The following IGSF9B variants were observed in gnomAD, a reference collection of about 807,000 sequenced individuals.
IGSF9B encodes protein turtle homolog B.
Under a neutral mutation model 143.7 loss-of-function variants are expected in IGSF9B, and 48 were observed. That is an observed-to-expected ratio of 0.33 (90% CI 0.26 to 0.42). The LOEUF (loss-of-function observed/expected upper bound fraction) is 0.42. IGSF9B is among the 20% of genes least tolerant of loss of function. The pLI, the probability that IGSF9B is intolerant of heterozygous loss-of-function variation, is 1.00. For missense variants in IGSF9B, 1,706 were observed against 1,980.0 expected, an observed-to-expected ratio of 0.86 and a Z score of 2.63; for synonymous variants, 903 against 833.1, an observed-to-expected ratio of 1.08 and a Z score of -1.44.
chr11:133,915,499 G>T (rs1374659370), intron 18 of IGSF9B, among the ~76,000 whole-genome samples: 1 of 151,656 alleles, frequency 6.6e-6, no homozygotes, highest in Non-Finnish European at 1.5e-5. Context: ...TTGAACTCCT[G>T]GACTCAAGAG....
intron 18 of IGSF9B, among the ~76,000 whole-genome samples, chr11:133,917,159 G>A (rs1288305634): frequency 2.0e-5 from 3 of 152,176 alleles, no homozygotes; most frequent in African/African-American, 7.2e-5. Context: ...ACCTGGACGG[G>A]AGGCTCGCCG....
intron 18 of IGSF9B, among the ~76,000 whole-genome samples, chr11:133,915,695 G>A (rs773935085): frequency 1.3e-4 from 20 of 152,200 alleles, no homozygotes; most frequent in Non-Finnish European, 2.4e-4. Flanking sequence ...GACAGGGAAA[G>A]TCAAAACCCC....
Position 133,942,788 on chromosome 11 carries a change from G to C in IGSF9B, c.409+1432C>G, listed in dbSNP as rs1451945453. Among the ~76,000 whole-genome samples the C allele has an allele frequency of 7.2e-5, 11 of 152,142 alleles. No homozygotes were observed. In the East Asian group the frequency reaches 2.1e-3, roughly 29 times the overall value. On this transcript the variant is annotated intron_variant, in intron 3 of 19. Coordinates refer to ENST00000533871, the MANE Select transcript of IGSF9B (RefSeq NM_001277285.4). Reference sequence around the variant, plus strand: ...GGCACCAAAAGGCGGTGACTCAAAAGCTTACCAGGTGGTCAGAACAATCCC... The same window carrying C: ...GGCACCAAAAGGCGGTGACTCAAAACCTTACCAGGTGGTCAGAACAATCCC...
At position 133,901,327 on chromosome 11, in the gene IGSF9B, C is replaced by CTGGGAAGG. The variant is rs1368922972; in HGVS notation, c.*7734_*7741dup. 2.0e-5 allele frequency: 3 copies of CTGGGAAGG among 152,222 alleles called. No individual in the cohort carries two copies. The allele number at this position is 152,222 out of a possible 1,614,324, so 9.4% of individuals were successfully genotyped here. On this transcript the variant is annotated 3_prime_UTR_variant, in exon 20 of 20. Coordinates refer to ENST00000533871, the MANE Select transcript of IGSF9B (RefSeq NM_001277285.4). ...GGCATGAGCTAGTATCCCAGACTGC[C>CTGGGAAGG]TGGGAAGGTAGCACTGCTCAAAACA...
At position 133,931,002 on chromosome 11, in the gene IGSF9B, T is replaced by A. The variant is rs1319767016; in HGVS notation, c.1501A>T (p.Thr501Ser). The change falls in exon 11 of 20, where the codon ACC becomes TCC. Residue 501 changes from threonine to serine, a missense_variant. Thr to Ser is a moderately conservative substitution (Grantham distance 58). Around this residue, in one of 7 missense-constraint regions of IGSF9B, gnomAD observed 267 missense variants for 321.1 expected, o/e 0.83. Transcript: ENST00000533871. This position sits in a 1 kb window ranked among gnomAD's most constrained non-coding sequence, Gnocchi z 7.7. Reference sequence around the variant, plus strand: ...CACGTACCGATGACGGTGAGGTGGGTGCTGGCAGTGATGCTCGTGACCACG... The same window carrying A: ...CACGTACCGATGACGGTGAGGTGGGAGCTGGCAGTGATGCTCGTGACCACG... ...TNVVTSITASTHLTVIGTSPH... is the reference protein window; with the variant it reads ...TNVVTSITASSHLTVIGTSPH... 6.2e-7 allele frequency: 1 copy of A among 1,612,392 alleles called. No individual in the cohort carries two copies. The highest frequency in any genetic ancestry group is 8.5e-7 in the Non-Finnish European group (1 of 1,179,266).
Position 133,928,738 on chromosome 11 carries a change from C to T in IGSF9B, c.1631+933G>A, listed in dbSNP as rs1003542588. On this transcript the variant is annotated intron_variant, in intron 12 of 19. Coordinates refer to ENST00000533871, the MANE Select transcript of IGSF9B (RefSeq NM_001277285.4). The surrounding 1 kb of genome is among the most constrained non-coding windows in gnomAD (Gnocchi z 4.7). Reference sequence around the variant, plus strand: ...GAGGAGTCAGCTAGGCTTCCTTCTCCTCCCTTCCTGTGCCTCCTGCCCTCA... The same window carrying T: ...GAGGAGTCAGCTAGGCTTCCTTCTCTTCCCTTCCTGTGCCTCCTGCCCTCA... 6.6e-6 allele frequency among the ~76,000 whole-genome samples: 1 copy of T among 151,922 alleles called. No individual in the cohort carries two copies. Among genetic ancestry groups the T allele is most frequent in the African/African-American group, 2.4e-5 (1 of 41,330 alleles).
intron 3 of IGSF9B, among the ~76,000 whole-genome samples, chr11:133,939,087 G>A (rs1410277607): frequency 6.6e-6 from 1 of 152,162 alleles, no homozygotes; most frequent in Non-Finnish European, 1.5e-5. Flanking sequence ...TGTCCTGCCT[G>A]TGGCACCAGC....
At chr11:133,919,259 C>T (rs1410636424) in intron 18 of IGSF9B, among the ~76,000 whole-genome samples, 6 of 152,100 alleles carry the variant, frequency 3.9e-5, no homozygotes, top group Admixed American at 3.9e-4. Context: ...GAACAGGAGG[C>T]CCCTGGCCTG....
Position 133,904,417 on chromosome 11 carries a change from T to A in IGSF9B, c.*4652A>T, listed in dbSNP as rs1461607484. On this transcript the variant is annotated 3_prime_UTR_variant, in exon 20 of 20. Coordinates refer to ENST00000533871, the MANE Select transcript of IGSF9B (RefSeq NM_001277285.4). Reference sequence around the variant, plus strand: ...ATATAAAGAAGATGTCCATGTTTGGTTTGGGCACTTAGTGTTAGAGGCTAA... The same window carrying A: ...ATATAAAGAAGATGTCCATGTTTGGATTGGGCACTTAGTGTTAGAGGCTAA... Among the ~76,000 whole-genome samples the A allele has an allele frequency of 6.6e-6, 1 of 152,134 alleles. No individual in the cohort carries two copies. Among genetic ancestry groups the A allele is most frequent in the Non-Finnish European group, 1.5e-5 (1 of 68,018 alleles).
chr11:133,912,919 C>G (rs930337644), intron 18 of IGSF9B, among the ~76,000 whole-genome samples: 13 of 152,166 alleles, frequency 8.5e-5, no homozygotes, highest in African/African-American at 3.1e-4. Flanking sequence ...AGCCCAGGTA[C>G]ACAAGGGAGC....
chr11:133,942,660 G>A (rs971458910), intron 3 of IGSF9B, among the ~76,000 whole-genome samples: 2 of 152,174 alleles, frequency 1.3e-5, no homozygotes, highest in African/African-American at 2.4e-5. Context: ...GAAGCAATGC[G>A]GGGACCCTCA....
chr11:133,936,577 C>T (rs1345585752), intron 5 of IGSF9B, among the ~76,000 whole-genome samples: 2 of 152,146 alleles, frequency 1.3e-5, no homozygotes, highest in South Asian at 2.1e-4. Flanking sequence ...GTGCAGGGGC[C>T]GAGGAGTAAG....
At position 133,948,457 on chromosome 11, in the gene IGSF9B, T is replaced by G. The variant is rs1445718864; in HGVS notation, c.65-2199A>C. Among the ~76,000 whole-genome samples, 1 of 151,564 alleles carries G rather than the reference T, an allele frequency of 6.6e-6. No individual in the cohort carries two copies. The highest frequency in any genetic ancestry group is 2.4e-5 in the African/African-American group (1 of 41,172). On this transcript the variant is annotated intron_variant, in intron 1 of 19. Transcript: ENST00000533871. This position sits in a 1 kb window ranked among gnomAD's most constrained non-coding sequence, Gnocchi z 4.7. ...CAGGCTAAGTTTGCAACCCAGCCCC[T>G]CAGGGAAAGCAGGGAGAGTGCCCAG... is the stretch of plus-strand genomic sequence containing the variant.
rs976456673 is a variant in IGSF9B, at chr11:133,907,175, ACT to A, written c.*1892_*1893del. Among the ~76,000 whole-genome samples the A allele has an allele frequency of 3.3e-5, 5 of 152,160 alleles. No individual in the cohort carries two copies. Among genetic ancestry groups the A allele is most frequent in the Non-Finnish European group, 5.9e-5 (4 of 68,032 alleles). ...CCCCTTCAGATGTGTTCAGAAAGGA[ACT>A]GCGGTGGTGTTACTTGCACGGTAAA... On this transcript the variant is annotated 3_prime_UTR_variant, in exon 20 of 20. Transcript: ENST00000533871.
At chr11:133,940,627 C>G (rs1356436859) in intron 3 of IGSF9B, among the ~76,000 whole-genome samples, 3 of 144,946 alleles carry the variant, frequency 2.1e-5, no homozygotes, top group East Asian at 4.2e-4. Flanking sequence ...ACACCTTGCA[C>G]GTCCTCGCAC....
chr11:133,919,684 GGCGGGTGGGGGAAGGAAGTTGCCCAGGT>G, intron 18 of IGSF9B, 30 bp downstream of exon 18: 1 of 1,134,466 alleles, frequency 8.8e-7, no homozygotes, highest in Non-Finnish European at 1.2e-6. Flanking sequence ...GGCAGGGCGA[GGCGGGTGGGGGAAGGAAGTTGCCCAGGT>G]GCGGGTGGCG....
In IGSF9B at chr11:133,901,518, C is replaced by T. The variant is rs1055670771; in HGVS notation, c.*7551G>A. 2 of 152,302 alleles carry T rather than the reference C, an allele frequency of 1.3e-5. No homozygotes were observed. Among genetic ancestry groups the T allele is most frequent in the Non-Finnish European group, 2.9e-5 (2 of 68,028 alleles). 9.4% of individuals were successfully genotyped at this position (152,302 alleles called of 1,614,324 possible). The stretch of plus-strand genomic sequence containing the variant: ...CTCTTGCCCTCCCGCTCCCCACACC[C>T]GAGTGCCACTCGCCCGAAGCTCCCA... On this transcript the variant is annotated 3_prime_UTR_variant, in exon 20 of 20. Coordinates refer to ENST00000533871, the MANE Select transcript of IGSF9B (RefSeq NM_001277285.4).
chr11:133,925,412 G>A (rs796160827), intron 14 of IGSF9B, among the ~76,000 whole-genome samples: 23 of 152,306 alleles, frequency 1.5e-4, no homozygotes, highest in African/African-American at 5.3e-4. Context: ...GCCCACCCCA[G>A]GTTAGGCTCA....
rs1439861932 is a variant in IGSF9B at position 133,928,418 on chromosome 11, C to T, written c.1631+1253G>A. On this transcript the variant is annotated intron_variant, in intron 12 of 19. Transcript: ENST00000533871. The surrounding 1 kb of genome is among the most constrained non-coding windows in gnomAD (Gnocchi z 4.7). ...GCCCGGGAAGCAGCCACCGAACCAC[C>T]ATGATGGGAGACAGAGCGGGTGCCC... Among the ~76,000 whole-genome samples, 5 of 152,186 alleles carry T rather than the reference C, an allele frequency of 3.3e-5. No homozygotes were observed. Among genetic ancestry groups the T allele is most frequent in the Non-Finnish European group, 1.5e-5 (1 of 68,038 alleles).
Sources: allele counts gnomAD v4.1 joint callset (sites outside exome capture counted in the v4.1 genomes callset), GRCh38; gene constraint gnomAD v4.1.1; regional missense constraint gnomAD v4.1.1; non-coding constraint Gnocchi (gnomAD v3.1); transcripts MANE v1.5; gene names NCBI Gene and HGNC (gene_info 2026-07-23, HGNC 2026-07-21).